ZNF564: variants seen among roughly 807,000 people sequenced by gnomAD.
ZNF564 encodes the protein zinc finger protein 564.
Under a neutral mutation model 10.5 loss-of-function variants are expected in ZNF564, and 5 were observed. The observed-to-expected ratio is 0.48, with a 90% CI of 0.25 to 1.00. The LOEUF (loss-of-function observed/expected upper bound fraction) is 1.00. Among genes scored for constraint, ZNF564 ranks in the 50% least tolerant of loss-of-function variants. The probability of loss-of-function intolerance (pLI) is 0.16; values close to 1 mark genes in which losing one functional copy is unlikely to be tolerated. For synonymous variants in ZNF564, 242 were observed against 218.1 expected, an observed-to-expected ratio of 1.11 and a Z score of -0.97; for missense variants, 603 against 669.7, an observed-to-expected ratio of 0.90 and a Z score of 1.10.
intron 1 of ZNF564, chr19:12,541,390 A>G (rs1344396051): frequency 1.3e-5 from 2 of 151,988 alleles, no homozygotes; most frequent in Non-Finnish European, 2.9e-5. Flanking sequence ...TCCACTAAAA[A>G]TACAAAAAAA....
Position 12,548,171 on chromosome 19 carries a change from A to G in ZNF564, c.3+3159T>C, listed in dbSNP as rs1258599544. The G allele has an allele frequency of 5.1e-6, 5 of 981,342 alleles. No individual in the cohort carries two copies. In the African/African-American group the frequency reaches 5.3e-5, roughly 10 times the overall value. The allele number at this position is 981,342 out of a possible 1,614,324, so 60.8% of individuals were successfully genotyped here. ...GAATCCAGCAAAATCACTCAAACTT[A>G]CCATTTATGTATATAGGAGGAAAGG... On this transcript the variant is annotated intron_variant, in intron 1 of 3. Coordinates refer to ENST00000339282, the MANE Select transcript of ZNF564 (RefSeq NM_144976.4).
Position 12,526,320 on chromosome 19 carries a change from A to G in ZNF564, c.*126T>C, listed in dbSNP as rs1189644346. On this transcript the variant is annotated 3_prime_UTR_variant, in exon 4 of 4. Coordinates refer to ENST00000339282, the MANE Select transcript of ZNF564 (RefSeq NM_144976.4). ...AATATGAGACAGGCACAGGATAGAG[A>G]TTCCTATTCCAAAAGTGAGAAACAG... is the stretch of plus-strand genomic sequence containing the variant. The G allele has an allele frequency of 1.0e-5, 10 of 995,508 alleles. No homozygotes were observed. The highest frequency in any genetic ancestry group is 1.2e-5 in the Non-Finnish European group (8 of 685,278). The allele number at this position is 995,508 out of a possible 1,614,324, so 61.7% of individuals were successfully genotyped here.
Position 12,543,026 on chromosome 19 carries a change from C to T in ZNF564, c.3+8304G>A, listed in dbSNP as rs1367205786. ...ACAAAAAAGAAAAGAAGGGGCCGGG[C>T]GCGGTGGCTCACGCCTGTAATCCCA... On this transcript the variant is annotated intron_variant, in intron 1 of 3. Coordinates refer to ENST00000339282, the MANE Select transcript of ZNF564 (RefSeq NM_144976.4). Among the ~76,000 whole-genome samples, 6 of 151,886 alleles carry T rather than the reference C, an allele frequency of 4.0e-5. No individual in the cohort carries two copies. In the South Asian group the frequency reaches 6.2e-4, roughly 16 times the overall value.
At chr19:12,529,369 G>A (rs1023805076) in intron 1 of ZNF564, among the ~76,000 whole-genome samples, 3 of 152,078 alleles carry the variant, frequency 2.0e-5, no homozygotes, top group Admixed American at 1.3e-4. Flanking sequence ...ACTTTGGGAG[G>A]CTGAGGCAAG....
intron 1 of ZNF564, chr19:12,550,524 C>T: frequency 7.3e-6 from 2 of 273,424 alleles, no homozygotes; most frequent in Non-Finnish European, 7.9e-6. Context: ...GTCGTGGCGG[C>T]GCATGCCTGT....
chr19:12,538,788 G>A (rs997758333), intron 1 of ZNF564, among the ~76,000 whole-genome samples: 2 of 151,824 alleles, frequency 1.3e-5, no homozygotes, highest in African/African-American at 2.4e-5. Flanking sequence ...CAGTCTGGGC[G>A]ACAGAGCAAG....
intron 1 of ZNF564, chr19:12,550,548 C>G (rs1175601178): frequency 1.3e-5 from 3 of 234,332 alleles, no homozygotes; most frequent in African/African-American, 2.4e-5. Flanking sequence ...CCCAGTTACT[C>G]AGGAGGCTGA....
intron 1 of ZNF564, among the ~76,000 whole-genome samples, chr19:12,544,388 T>C (rs1599286986): frequency 6.6e-6 from 1 of 152,032 alleles, no homozygotes; most frequent in African/African-American, 2.4e-5. Context: ...TAGAGCTGTC[T>C]ATTGCAGTGA....
At chr19:12,549,053 GA>G (rs760756728) in intron 1 of ZNF564, among the ~76,000 whole-genome samples, 10 of 107,698 alleles carry the variant, frequency 9.3e-5, no homozygotes, top group Non-Finnish European at 1.9e-4. Context: ...ATAGACCTGA[GA>G]AACCTACCAT....
chr19:12,527,471 G>C lies in ZNF564; in HGVS notation c.637C>G (p.Gln213Glu). 1 of 1,614,046 alleles carries C rather than the reference G, an allele frequency of 6.2e-7. No homozygotes were observed. The highest frequency in any genetic ancestry group is 2.2e-5 in the East Asian group (1 of 44,862). ...CCAGTGTGAGTTCTTTCATGTATCT[G>C]AAATAAACTTGGGCGATCAAAGGCT... ...GKAFDRPSLF[Q>E]IHERTHTGEK... The change falls in exon 4 of 4, where the codon CAG becomes GAG. Residue 213 changes from glutamine to glutamate, a missense_variant. Gln to Glu is a conservative substitution (Grantham distance 29). Coordinates refer to ENST00000339282, the MANE Select transcript of ZNF564 (RefSeq NM_144976.4).
intron 1 of ZNF564, among the ~76,000 whole-genome samples, chr19:12,539,928 C>A (rs2022007567): frequency 6.6e-6 from 1 of 151,272 alleles, no homozygotes; most frequent in Non-Finnish European, 1.5e-5. Context: ...TTGCAGTGAG[C>A]CGAGATCGCG....
At chr19:12,548,658 G>A in intron 1 of ZNF564, 1 of 611,840 alleles carries the variant, frequency 1.6e-6, no homozygotes, top group Non-Finnish European at 2.9e-6. Flanking sequence ...GTATTCTATA[G>A]CTTAAACATG....
chr19:12,526,537 T>C lies in ZNF564; in HGVS notation c.1571A>G (p.Glu524Gly), dbSNP rs769291369. The change falls in exon 4 of 4, where the codon GAA becomes GGA. Residue 524 changes from glutamate (E) to glycine (G), a missense_variant. Transcript: ENST00000339282. The part of the protein sequence containing the change: ...FSYSSSFQRH[E>G]RAHNGDKPYV... ...AGGTTTATCTCCATTATGAGCTCTT[T>C]CATGTCTTTGAAAGGAACTGGAATA... 1 of 1,614,026 alleles carries C rather than the reference T, an allele frequency of 6.2e-7. No homozygotes were observed. The highest frequency in any genetic ancestry group is 1.1e-5 in the South Asian group (1 of 91,022).
intron 1 of ZNF564, chr19:12,550,643 G>T (rs1382293136): frequency 1.9e-5 from 3 of 157,812 alleles, no homozygotes; most frequent in Non-Finnish European, 4.3e-5. Context: ...GCGACAGAGC[G>T]AAACTCTGTC....
At chr19:12,547,778 C>T (rs529090054) in intron 1 of ZNF564, among the ~76,000 whole-genome samples, 2 of 151,996 alleles carry the variant, frequency 1.3e-5, no homozygotes, top group South Asian at 4.2e-4. Context: ...GGCCTCAGAC[C>T]TCTGCTTCCT....
At chr19:12,550,080 G>T (rs1202802954) in intron 1 of ZNF564, among the ~76,000 whole-genome samples, 1 of 151,690 alleles carries the variant, frequency 6.6e-6, no homozygotes, top group Admixed American at 6.6e-5. Context: ...ATCACCTGAG[G>T]TCGGGAGTTC....
intron 1 of ZNF564, among the ~76,000 whole-genome samples, chr19:12,549,050 T>C (rs556302142): frequency 1.6e-3 from 177 of 112,546 alleles, no homozygotes; most frequent in African/African-American, 5.9e-3. Context: ...AAAATAGACC[T>C]GAGAAACCTA....
At chr19:12,532,625 G>A (rs907397479) in intron 1 of ZNF564, among the ~76,000 whole-genome samples, 13 of 150,966 alleles carry the variant, frequency 8.6e-5, no homozygotes, top group South Asian at 8.4e-4. Flanking sequence ...GAGAAGCTGA[G>A]GCAGGTAGAT....
intron 1 of ZNF564, 119 bp downstream of exon 1, chr19:12,551,210 GA>G: frequency 8.4e-7 from 1 of 1,187,416 alleles, no homozygotes. Context: ...CTGCGCCAGG[GA>G]ACTCGGGTCC....
Sources: gnomAD v4.1 joint callset for allele counts (sites outside exome capture counted in the v4.1 genomes callset) on GRCh38, gnomAD v4.1.1 for gene constraint, MANE v1.5 for transcripts, NCBI Gene and HGNC (gene_info 2026-07-23, HGNC 2026-07-21) for gene names.